USP30: variants seen among roughly 807,000 people sequenced by gnomAD.
The protein encoded by USP30 is ubiquitin specific peptidase 30.
In USP30, 41 loss-of-function variants were observed where a neutral mutation model predicts 68.2. That is an observed-to-expected ratio of 0.60 (90% CI 0.47 to 0.78). The LOEUF is 0.78. Ranked by LOEUF, USP30 falls within the 30% of genes least tolerant of loss-of-function variation. USP30 has a pLI of 0.00. For missense variants in USP30, 522 were observed against 649.4 expected (o/e 0.80, Z 2.13); for synonymous variants, 229 against 253.7 (o/e 0.90, Z 0.93).
intron 3 of USP30, among the ~76,000 whole-genome samples, chr12:109,028,034 C>G (rs561086351): frequency 6.6e-6 from 1 of 152,356 alleles, no homozygotes; most frequent in East Asian, 1.9e-4. Context: ...ATTCCAATTT[C>G]TGCACATTCT....
intron 4 of USP30, 51 bp downstream of exon 4, chr12:109,067,678 G>T: frequency 6.6e-7 from 1 of 1,511,640 alleles, no homozygotes; most frequent in Non-Finnish European, 9.2e-7. Flanking sequence ...TTCCCCTAGT[G>T]ACTTGGGGCC....
Position 109,081,187 on chromosome 12 carries a change from T to C in USP30, c.721-147T>C. 4 of 705,934 alleles carry C rather than the reference T, an allele frequency of 5.7e-6. No individual in the cohort carries two copies. In the South Asian group the frequency reaches 5.9e-5, roughly 10 times the overall value. 43.7% of individuals were successfully genotyped at this position (705,934 alleles called of 1,614,324 possible). On this transcript the variant is annotated intron_variant, in intron 7 of 12. Coordinates refer to ENST00000257548, the MANE Select transcript of USP30 (RefSeq NM_032663.5). The stretch of plus-strand genomic sequence containing the variant: ...ACAAGGTTGTTTTAATATGTTTTAA[T>C]AGAATTTTATTCTAAGTACATTATA...
intron 3 of USP30, among the ~76,000 whole-genome samples, chr12:109,045,157 T>G (rs1740497207): frequency 6.6e-6 from 1 of 152,134 alleles, no homozygotes; most frequent in African/African-American, 2.4e-5. Flanking sequence ...TTTTGTATTT[T>G]TAGTAGAGAC....
intron 1 of USP30, among the ~76,000 whole-genome samples, chr12:109,054,439 T>A (rs976035132): frequency 6.6e-6 from 1 of 151,950 alleles, no homozygotes; most frequent in African/African-American, 2.4e-5. Flanking sequence ...GAGGATCACC[T>A]GAGCCCGGAA....
chr12:109,076,985 G>T (rs540224365), intron 7 of USP30, among the ~76,000 whole-genome samples: 9 of 152,232 alleles, frequency 5.9e-5, no homozygotes, highest in African/African-American at 1.9e-4. Context: ...GCCTGCCTCA[G>T]CCTCTCAAAG....
chr12:109,083,095 A>G lies in USP30; in HGVS notation c.1168+33A>G, dbSNP rs1485338998. The G allele has an allele frequency of 1.6e-5, 25 of 1,557,664 alleles. No individual in the cohort carries two copies. In the South Asian group the frequency reaches 2.0e-4, roughly 12 times the overall value. ...CGCGCGAGGAGCCGATGCAGCAGGA[A>G]TTTTCAGCACAGAGAAAAGCAGTTT... On this transcript the variant is annotated intron_variant, in intron 11 of 12. Coordinates refer to ENST00000257548, the MANE Select transcript of USP30 (RefSeq NM_032663.5).
chr12:109,079,351 CTTTTTTTTTTTTTTT>C (rs71079521), intron 7 of USP30, among the ~76,000 whole-genome samples: 1 of 48,760 alleles, frequency 2.1e-5, no homozygotes, highest in African/African-American at 8.5e-5. Flanking sequence ...TTTTTTTTTT[CTTTTTTTTTTTTTTT>C]TTTTTTTTTT....
At chr12:109,024,502 C>A (rs2040429666) in intron 1 of USP30, among the ~76,000 whole-genome samples, 1 of 152,144 alleles carries the variant, frequency 6.6e-6, no homozygotes, top group African/African-American at 2.4e-5. Context: ...AAGCAATCAA[C>A]CTGCCTCGGC....
At chr12:109,036,014 G>C (rs1305580051) in intron 3 of USP30, among the ~76,000 whole-genome samples, 3 of 152,122 alleles carry the variant, frequency 2.0e-5, no homozygotes, top group Non-Finnish European at 4.4e-5. Flanking sequence ...AACAAAATTA[G>C]CTGGGCATGG....
intron 3 of USP30, among the ~76,000 whole-genome samples, chr12:109,064,703 T>G (rs561930943): frequency 1.2e-4 from 18 of 152,230 alleles, no homozygotes; most frequent in Non-Finnish European, 1.3e-4. Flanking sequence ...CATATCCCTT[T>G]ATGCACCTAA....
chr12:109,080,756 C>T (rs143713502), intron 7 of USP30, among the ~76,000 whole-genome samples: 63 of 152,264 alleles, frequency 4.1e-4, no homozygotes, highest in Non-Finnish European at 7.8e-4. Flanking sequence ...TTTATTGGTA[C>T]GGTACCTTTT....
At chr12:109,079,318 C>A (rs1345002854) in intron 7 of USP30, among the ~76,000 whole-genome samples, 8 of 85,178 alleles carry the variant, frequency 9.4e-5, no homozygotes, top group Non-Finnish European at 1.6e-4. Context: ...ATTCTTTTTT[C>A]TCTTTTTTTC....
intron 3 of USP30, among the ~76,000 whole-genome samples, chr12:109,066,177 A>G (rs1371302093): frequency 6.8e-6 from 1 of 147,776 alleles, no homozygotes; most frequent in East Asian, 2.1e-4. Context: ...GCTTGGGCCC[A>G]GGAGGTCAAG....
chr12:109,023,924 C>A (rs1277408129), intron 1 of USP30, among the ~76,000 whole-genome samples: 2 of 151,846 alleles, frequency 1.3e-5, no homozygotes, highest in African/African-American at 4.8e-5. Flanking sequence ...TGATCACCAC[C>A]GCGACTGGCC....
At chr12:109,082,226 G>A (rs2041825018) in intron 9 of USP30, among the ~76,000 whole-genome samples, 5 of 152,296 alleles carry the variant, frequency 3.3e-5, no homozygotes, top group Middle Eastern at 3.4e-3. Flanking sequence ...AGTGTTTAAA[G>A]AATAAACTGT....
chr12:109,074,089 G>A (rs1432604847), intron 7 of USP30, among the ~76,000 whole-genome samples: 3 of 152,134 alleles, frequency 2.0e-5, no homozygotes, highest in African/African-American at 7.2e-5. Flanking sequence ...CTATGGATTT[G>A]CATATTCTGG....
chr12:109,027,613 C>G (rs1484054578), intron 3 of USP30: 1 of 152,162 alleles, frequency 6.6e-6, no homozygotes, highest in Non-Finnish European at 1.5e-5. Flanking sequence ...TTTGCCTACT[C>G]TAGTTACCTG....
In USP30 at chr12:109,073,508, G is replaced by A; in HGVS notation, c.696G>A (p.Met232Ile). 6.2e-7 allele frequency: 1 copy of A among 1,613,626 alleles called. No individual in the cohort carries two copies. Among genetic ancestry groups the A allele is most frequent in the Non-Finnish European group, 8.5e-7 (1 of 1,179,536 alleles). Residue 232 changes from methionine to isoleucine, a missense_variant, in exon 7 of 13, where the codon ATG becomes ATA. Physicochemically the swap from Met to Ile is conservative, Grantham distance 10. Coordinates refer to ENST00000257548, the MANE Select transcript of USP30 (RefSeq NM_032663.5). Reference sequence around the variant, plus strand: ...TTCATGGAAGACTCACTAGTAATATGGTCTGCAAACACTGTGAACACCAGG... The same window carrying A: ...TTCATGGAAGACTCACTAGTAATATAGTCTGCAAACACTGTGAACACCAGG... The part of the protein sequence containing the change: ...HPFHGRLTSN[M>I]VCKHCEHQSP...
intron 12 of USP30, 135 bp from the exon 13 acceptor site, chr12:109,085,532 A>G: frequency 9.6e-7 from 1 of 1,042,122 alleles, no homozygotes; most frequent in Non-Finnish European, 1.4e-6. Context: ...CTGTATTTTA[A>G]TAGTTGTGTA....
Sources: gnomAD v4.1 joint callset for allele counts (sites outside exome capture counted in the v4.1 genomes callset) on GRCh38, gnomAD v4.1.1 for gene constraint, MANE v1.5 for transcripts, NCBI Gene and HGNC (gene_info 2026-07-23, HGNC 2026-07-21) for gene names.